RGS5: variants seen among roughly 807,000 people sequenced by gnomAD.
The protein encoded by RGS5 is regulator of G-protein signalling 5.
A neutral mutation model predicts 18.9 loss-of-function variants in RGS5; 20 were observed. The observed-to-expected ratio is 1.06, with a 90% CI of 0.74 to 1.54. The LOEUF (loss-of-function observed/expected upper bound fraction) is 1.54, where lower values mean the gene tolerates loss of function less well. Ranked by LOEUF, RGS5 falls within the 40% of genes most tolerant of loss-of-function variation. The pLI is 0.00. For missense variants in RGS5, 201 were observed against 211.8 expected (o/e 0.95, Z 0.32); for synonymous variants, 57 against 76.2 (o/e 0.75, Z 1.31).
At chr1:163,245,912 C>T (rs760943087) in intron 2 of RGS5, among the ~76,000 whole-genome samples, 1 of 152,182 alleles carries the variant, frequency 6.6e-6, no homozygotes, top group Non-Finnish European at 1.5e-5. Flanking sequence ...AAACAAGCAG[C>T]CATTTGTGAG....
intron 2 of RGS5, among the ~76,000 whole-genome samples, chr1:163,254,312 G>A (rs1294911797): frequency 3.3e-5 from 5 of 151,784 alleles, no homozygotes; most frequent in Admixed American, 1.3e-4. Flanking sequence ...TCCAGCACCT[G>A]TTCTTTCCTG....
intron 1 of RGS5, among the ~76,000 whole-genome samples, chr1:163,171,614 T>G (rs541753137): frequency 8.1e-4 from 123 of 152,320 alleles, no homozygotes; most frequent in African/African-American, 2.9e-3. Context: ...GCCTTTTGCT[T>G]TTGTAAAAGG....
intron 2 of RGS5, among the ~76,000 whole-genome samples, chr1:163,274,486 G>A (rs1648801372): frequency 6.6e-6 from 1 of 152,152 alleles, no homozygotes; most frequent in South Asian, 2.1e-4. Flanking sequence ...TTATCCATTT[G>A]TATCATTTAC....
rs375509726 is a variant in RGS5 at position 163,246,984 on chromosome 1, G to A, written c.-281+59249C>T. On this transcript the variant is annotated intron_variant, in intron 2 of 5. Transcript: ENST00000618415. ...CCCTAAGTCAATTAATGCAGGAACAGAAAGCCAAATACTGCATGTTCTCAC... is the reference window on the plus strand; with the variant it reads ...CCCTAAGTCAATTAATGCAGGAACAAAAAGCCAAATACTGCATGTTCTCAC... Among the ~76,000 whole-genome samples, 6 of 152,286 alleles carry A rather than the reference G, an allele frequency of 3.9e-5. No homozygotes were observed. In the East Asian group the frequency reaches 9.6e-4, roughly 24 times the overall value.
chr1:163,283,706 G>A (rs77147622), intron 2 of RGS5, among the ~76,000 whole-genome samples: 2,506 of 152,226 alleles, frequency 0.016, 65 homozygotes, highest in African/African-American at 0.055. Context: ...TCATCTAGAG[G>A]CTTGATGAAT....
At chr1:163,275,288 A>G (rs1470839413) in intron 2 of RGS5, among the ~76,000 whole-genome samples, 1 of 151,972 alleles carries the variant, frequency 6.6e-6, no homozygotes, top group African/African-American at 2.4e-5. Flanking sequence ...TCAACCTAGG[A>G]CATTCAATAA....
intron 2 of RGS5, among the ~76,000 whole-genome samples, chr1:163,288,364 T>G (rs903423575): frequency 2.6e-5 from 4 of 152,068 alleles, no homozygotes; most frequent in Non-Finnish European, 5.9e-5. Flanking sequence ...GGATTGGGAG[T>G]CACTGTCAGT....
chr1:163,247,308 T>C (rs903906161), intron 2 of RGS5, among the ~76,000 whole-genome samples: 3 of 152,202 alleles, frequency 2.0e-5, no homozygotes, highest in African/African-American at 7.2e-5. Context: ...AGTTTTGTTC[T>C]AGTCAAATGA....
intron 1 of RGS5, chr1:163,217,393 C>T: frequency 1.1e-5 from 10 of 920,054 alleles, no homozygotes; most frequent in Non-Finnish European, 1.4e-5. Flanking sequence ...CTTTTCCTCC[C>T]ATCAAAGAGA....
At chr1:163,290,121 G>A (rs1421487655) in intron 2 of RGS5, among the ~76,000 whole-genome samples, 1 of 152,124 alleles carries the variant, frequency 6.6e-6, no homozygotes, top group Non-Finnish European at 1.5e-5. Context: ...AGCACACCTG[G>A]ACTGACCAAT....
chr1:163,162,589 C>T (rs979778466), intron 2 of RGS5, among the ~76,000 whole-genome samples: 2 of 151,216 alleles, frequency 1.3e-5, no homozygotes, highest in African/African-American at 2.4e-5. Context: ...AAGATTTACT[C>T]TTTCTAATTT....
chr1:163,246,485 C>T (rs752864242), intron 2 of RGS5, among the ~76,000 whole-genome samples: 7 of 150,120 alleles, frequency 4.7e-5, no homozygotes, highest in Admixed American at 1.3e-4. Context: ...GCAGGAGAAT[C>T]GCTTGAACCC....
chr1:163,234,541 G>A (rs1428968446), intron 2 of RGS5, among the ~76,000 whole-genome samples: 1 of 152,032 alleles, frequency 6.6e-6, no homozygotes, highest in African/African-American at 2.4e-5. Flanking sequence ...TAGACTTTAA[G>A]TGTTCCTTCC....
At chr1:163,183,228 T>A (rs1318605627) in intron 1 of RGS5, among the ~76,000 whole-genome samples, 1 of 152,182 alleles carries the variant, frequency 6.6e-6, no homozygotes, top group African/African-American at 2.4e-5. Context: ...CTCAAACCAT[T>A]TCTTCTTTCT....
chr1:163,164,296 C>T (rs1345218258), intron 2 of RGS5, among the ~76,000 whole-genome samples: 1 of 152,140 alleles, frequency 6.6e-6, no homozygotes, highest in Non-Finnish European at 1.5e-5. Context: ...TCATAGCTGA[C>T]CACAGAGGAT....
chr1:163,252,407 T>C (rs750948305), intron 2 of RGS5, among the ~76,000 whole-genome samples: 4 of 152,220 alleles, frequency 2.6e-5, no homozygotes, highest in Admixed American at 6.5e-5. Context: ...CAGGGTCTTT[T>C]GTGGAGCAAA....
At chr1:163,180,693 T>G (rs1307611996) in intron 1 of RGS5, among the ~76,000 whole-genome samples, 1 of 122,426 alleles carries the variant, frequency 8.2e-6, no homozygotes, top group Non-Finnish European at 1.7e-5. Flanking sequence ...CCTGTTTTTT[T>G]TTTTTTTTTT....
In RGS5 at chr1:163,180,696, T is replaced by TGTTCTTTTTG. The variant is rs1234982716; in HGVS notation, c.45-12329_45-12328insCAAAAAGAAC. On this transcript the variant is annotated intron_variant, in intron 1 of 4. Transcript: ENST00000313961. ...TAAAGCCCTTACCCTGTTTTTTTTT[T>TGTTCTTTTTG]TTTTTTTTTTTTTTTTGAGACGGAG... Among the ~76,000 whole-genome samples, 207 of 125,328 alleles carry TGTTCTTTTTG rather than the reference T, an allele frequency of 1.7e-3. 6 individuals are homozygous for TGTTCTTTTTG. The highest frequency in any genetic ancestry group is 0.015 in the Middle Eastern group (4 of 264). The allele number at this position is 125,328 out of a possible 152,430, so 82.2% of individuals were successfully genotyped here. A position where few individuals can be genotyped will look rare whatever the true frequency, so the allele number is the denominator to read the frequency against.
chr1:163,293,668 C>T (rs2101727265), intron 2 of RGS5, among the ~76,000 whole-genome samples: 1 of 152,258 alleles, frequency 6.6e-6, no homozygotes, highest in Middle Eastern at 3.4e-3. Context: ...AGTCTTAACT[C>T]ATTCCAGCAT....
Sources: allele counts gnomAD v4.1 joint callset (sites outside exome capture counted in the v4.1 genomes callset), GRCh38; gene constraint gnomAD v4.1.1; transcripts MANE v1.5; gene names NCBI Gene and HGNC (gene_info 2026-07-23, HGNC 2026-07-21).